Variants in RFC3 observed in about 807,000 individuals in gnomAD.
RFC3 encodes the protein A1 38 kDa subunit.
Under a neutral mutation model 45.1 loss-of-function variants are expected in RFC3, and 41 were observed. The observed-to-expected ratio is 0.91, with a 90% CI of 0.71 to 1.18. RFC3 has a LOEUF of 1.18. Among genes scored for constraint, RFC3 ranks in the 50% most tolerant of loss-of-function variants. The pLI is 0.00. For missense variants in RFC3, 423 were observed against 428.1 expected (o/e 0.99, Z 0.10); for synonymous variants, 149 against 144.0 (o/e 1.03, Z -0.25).
intron 8 of RFC3, among the ~76,000 whole-genome samples, chr13:33,894,547 T>C (rs1395838769): frequency 6.6e-6 from 1 of 152,024 alleles, no homozygotes; most frequent in Admixed American, 6.6e-5. Context: ...CAGCCAAGGG[T>C]ACAGGAGCTG....
chr13:33,823,985 G>T lies in RFC3; in HGVS notation c.293+1G>T, dbSNP rs750450234. 4.0e-6 allele frequency: 6 copies of T among 1,483,798 alleles called. No homozygotes were observed. The Admixed American group carries it at 1.1e-4, about 27-fold the overall frequency. The allele number at this position is 1,483,798 out of a possible 1,614,324, so 91.9% of individuals were successfully genotyped here. On this transcript the variant is annotated splice_donor_variant, in intron 3 of 8. Coordinates refer to ENST00000380071, the MANE Select transcript of RFC3 (RefSeq NM_002915.4). LOFTEE classifies it high-confidence loss of function. ...ACTACCACCTTGAAGTTAATCCTAG[G>T]TAAGTTACTACTATATAGAAATTAA...
chr13:33,835,546 G>A (rs1256159033), intron 8 of RFC3: 2 of 494,630 alleles, frequency 4.0e-6, no homozygotes, highest in African/African-American at 3.9e-5. Flanking sequence ...AGAAAAAAGT[G>A]AAGTTCCACC....
At chr13:33,919,744 T>G (rs1022246587) in intron 8 of RFC3, among the ~76,000 whole-genome samples, 3 of 152,112 alleles carry the variant, frequency 2.0e-5, no homozygotes, top group Admixed American at 2.0e-4. Context: ...TATTGAAGAG[T>G]CATGTCTGCT....
In RFC3 at chr13:33,914,477, G is replaced by T. The variant is rs925813562; in HGVS notation, c.880-51610G>T. On this transcript the variant is annotated intron_variant, in intron 8 of 8. Coordinates refer to the RFC3 transcript ENST00000434425. ...AGTGGGCACCCTGTGTACACACATG[G>T]CTGATGACAAGGTAAATTGGAACAA... Among the ~76,000 whole-genome samples, 7 of 152,164 alleles carry T rather than the reference G, an allele frequency of 4.6e-5. No individual in the cohort carries two copies. In the East Asian group the frequency reaches 1.4e-3, roughly 29 times the overall value.
rs77971331 is a variant in RFC3, at chr13:33,904,713, C to T, written c.880-61374C>T. ...ACAATCTGGCCTTAATCTGCCTGCC[C>T]GCCCTTCTCTCGCCGCAATTTCTTC... On this transcript the variant is annotated intron_variant, in intron 8 of 8. Coordinates refer to the RFC3 transcript ENST00000434425. 9.3e-3 allele frequency among the ~76,000 whole-genome samples: 1,417 copies of T among 152,064 alleles called. 27 individuals carry two copies. The highest frequency in any genetic ancestry group is 0.032 in the African/African-American group (1,335 of 41,496).
At chr13:33,937,349 T>C (rs1243755086) in intron 8 of RFC3, among the ~76,000 whole-genome samples, 2 of 152,160 alleles carry the variant, frequency 1.3e-5, no homozygotes, top group South Asian at 2.1e-4. Context: ...CTCTACAATG[T>C]TTGTAAAATG....
At chr13:33,840,688 C>T (rs373836600), downstream of RFC3, among the ~76,000 whole-genome samples, 96 of 136,904 alleles carry the variant, frequency 7.0e-4, no homozygotes, top group African/African-American at 6.4e-4. Flanking sequence ...TCCATTTATA[C>T]GTAGTTTTTT....
downstream of RFC3, among the ~76,000 whole-genome samples, chr13:33,967,028 C>T (rs2083091334): frequency 6.6e-6 from 1 of 151,714 alleles, no homozygotes; most frequent in Admixed American, 6.6e-5. Flanking sequence ...CGTGGTGGTG[C>T]CGCTTGTGGT....
At chr13:33,831,746 A>G (rs1446237952) in intron 7 of RFC3, among the ~76,000 whole-genome samples, 1 of 152,242 alleles carries the variant, frequency 6.6e-6, no homozygotes, top group Non-Finnish European at 1.5e-5. Flanking sequence ...GAAAGACACC[A>G]GACTATAAGT....
the RFC3 span, among the ~76,000 whole-genome samples, chr13:33,975,376 G>A: frequency 5.3e-5 from 8 of 152,166 alleles, no homozygotes; most frequent in African/African-American, 1.9e-4. Flanking sequence ...GTTGCTAGAA[G>A]TTCCATAGGG....
intron 8 of RFC3, among the ~76,000 whole-genome samples, chr13:33,957,309 A>G (rs2083028000): frequency 6.6e-6 from 1 of 152,140 alleles, no homozygotes. Flanking sequence ...TTTCTTCTTT[A>G]TTGTTATAAA....
intron 8 of RFC3, chr13:33,850,742 T>G (rs1013429622): frequency 3.9e-5 from 6 of 152,196 alleles, no homozygotes; most frequent in Admixed American, 3.3e-4. Flanking sequence ...TTTTTAATAG[T>G]GATCAAAGTG....
intron 8 of RFC3, among the ~76,000 whole-genome samples, chr13:33,902,679 T>C (rs961575142): frequency 6.6e-6 from 1 of 152,058 alleles, no homozygotes; most frequent in Non-Finnish European, 1.5e-5. Flanking sequence ...CTCTTCCCCG[T>C]CCAAGCCAAC....
intron 3 of RFC3, among the ~76,000 whole-genome samples, chr13:33,825,039 T>C (rs2082036560): frequency 6.6e-6 from 1 of 152,140 alleles, no homozygotes; most frequent in Admixed American, 6.6e-5. Context: ...AGTTAACTGC[T>C]TTGACCTGTT....
rs193233571 is a variant in RFC3, at chr13:33,952,043, A to T, written c.880-14044A>T. Among the ~76,000 whole-genome samples, 537 of 152,370 alleles carry T rather than the reference A, an allele frequency of 3.5e-3. 4 individuals carry two copies. The highest frequency in any genetic ancestry group is 0.012 in the African/African-American group (504 of 41,590). Reference sequence around the variant, plus strand: ...CACTCCCAAGAATAACATTGGATTCAATTGAACATTCATTTGTTGAATGCC... The same window carrying T: ...CACTCCCAAGAATAACATTGGATTCTATTGAACATTCATTTGTTGAATGCC... On this transcript the variant is annotated intron_variant, in intron 8 of 8. Coordinates refer to the RFC3 transcript ENST00000434425.
At chr13:33,843,853 T>A (rs1037010814) in intron 8 of RFC3, among the ~76,000 whole-genome samples, 1 of 152,206 alleles carries the variant, frequency 6.6e-6, no homozygotes, top group East Asian at 1.9e-4. Flanking sequence ...AATTTTACCT[T>A]CTTGTTAGCT....
At position 33,937,852 on chromosome 13, in the gene RFC3, A is replaced by T. The variant is rs542124196; in HGVS notation, c.880-28235A>T. 1.2e-4 allele frequency among the ~76,000 whole-genome samples: 18 copies of T among 152,228 alleles called. No homozygotes were observed. The South Asian group carries it at 2.9e-3, about 25-fold the overall frequency. On this transcript the variant is annotated intron_variant, in intron 8 of 8. Coordinates refer to the RFC3 transcript ENST00000434425. ...AGGTAGCCCTTATCATTGTTTTCCA[A>T]ACCACTAGCCATTAACATTTGTGGG... is the stretch of plus-strand genomic sequence containing the variant.
chr13:33,910,626 G>A (rs1051344290), intron 8 of RFC3, among the ~76,000 whole-genome samples: 9 of 152,094 alleles, frequency 5.9e-5, no homozygotes, highest in African/African-American at 2.2e-4. Context: ...GTCTAGAAGA[G>A]GATATTTCAG....
At chr13:33,926,494 A>G (rs1160206723) in intron 8 of RFC3, among the ~76,000 whole-genome samples, 1 of 152,264 alleles carries the variant, frequency 6.6e-6, no homozygotes, top group East Asian at 1.9e-4. Flanking sequence ...ATTCTTATCT[A>G]GCTACATGTA....
Sources: gnomAD v4.1 joint callset for allele counts (sites outside exome capture counted in the v4.1 genomes callset) on GRCh38, gnomAD v4.1.1 for gene constraint, MANE v1.5 for transcripts, NCBI Gene and HGNC (gene_info 2026-07-23, HGNC 2026-07-21) for gene names.